The following HABP4 variants were observed in gnomAD, a reference collection of about 807,000 sequenced individuals.
HABP4 encodes the protein intracellular hyaluronan-binding protein 4.
In HABP4, 32 loss-of-function variants were observed where a neutral mutation model predicts 44.1. The ratio of observed to expected loss-of-function variants is 0.73; its 90% CI spans 0.55 to 0.97. HABP4 has a LOEUF of 0.97. HABP4 is among the 50% of genes least tolerant of loss of function. HABP4 has a pLI of 0.00. For synonymous variants in HABP4, 216 were observed against 218.0 expected, an observed-to-expected ratio of 0.99 and a Z score of 0.08; for missense variants, 503 against 561.9, an observed-to-expected ratio of 0.90 and a Z score of 1.06.
chr9:96,466,876 T>C (rs1832609791), intron 4 of HABP4, among the ~76,000 whole-genome samples: 1 of 151,424 alleles, frequency 6.6e-6, no homozygotes, highest in African/African-American at 2.4e-5. Context: ...GTGCAGAGGC[T>C]TGAGGGGATC....
intron 1 of HABP4, among the ~76,000 whole-genome samples, chr9:96,452,390 CCTA>C (rs2131107698): frequency 6.6e-6 from 1 of 152,142 alleles, no homozygotes; most frequent in East Asian, 1.9e-4. Context: ...TCTTATTTTT[CCTA>C]CTAACACTTT....
In HABP4 at chr9:96,465,390, G is replaced by A; in HGVS notation, c.566G>A (p.Arg189Lys). The change falls in exon 3 of 8, where the codon AGA becomes AAA. Residue 189 changes from arginine (R) to lysine (K), a missense_variant. Transcript: ENST00000375249. ...DRPLRGRGGP[R>K]GGMRGRGRGG... The stretch of plus-strand genomic sequence containing the variant: ...CCGTTGAGAGGACGTGGAGGCCCGA[G>A]AGGGGGTATGCGCGGCAGAGGCAGA... 1 of 1,609,978 alleles carries A rather than the reference G, an allele frequency of 6.2e-7. No homozygotes were observed. The highest frequency in any genetic ancestry group is 8.5e-7 in the Non-Finnish European group (1 of 1,176,172).
chr9:96,450,182 C>T lies in HABP4; in HGVS notation c.-98C>T. 3 of 1,166,998 alleles carry T rather than the reference C, an allele frequency of 2.6e-6. No homozygotes were observed. Among genetic ancestry groups the T allele is most frequent in the Non-Finnish European group, 3.2e-6 (3 of 937,084 alleles). 72.3% of individuals were successfully genotyped at this position (1,166,998 alleles called of 1,614,324 possible). On this transcript the variant is annotated 5_prime_UTR_variant, in exon 1 of 8. Coordinates refer to ENST00000375249, the MANE Select transcript of HABP4 (RefSeq NM_014282.4). The surrounding 1 kb of genome is among the most constrained non-coding windows in gnomAD (Gnocchi z 4.8). The stretch of plus-strand genomic sequence containing the variant: ...GCCGGACAGGGTAGGGCCCGGAGGG[C>T]GGTGGCGGCGGAGCGGGCGGCATGG...
chr9:96,480,349 G>GT (rs1369857356), intron 5 of HABP4, among the ~76,000 whole-genome samples: 2 of 152,006 alleles, frequency 1.3e-5, no homozygotes, highest in East Asian at 3.9e-4. Flanking sequence ...CTATACTATA[G>GT]TTTTTTCACC....
At chr9:96,473,001 A>G (rs1832722493) in intron 5 of HABP4, among the ~76,000 whole-genome samples, 1 of 152,194 alleles carries the variant, frequency 6.6e-6, no homozygotes, top group South Asian at 2.1e-4. Flanking sequence ...GCCTCTCAGC[A>G]TCTCCTTTGC....
intron 5 of HABP4, among the ~76,000 whole-genome samples, chr9:96,474,773 C>T (rs1832754324): frequency 6.6e-6 from 1 of 152,076 alleles, no homozygotes; most frequent in South Asian, 2.1e-4. Flanking sequence ...CTGGTGTCAG[C>T]CCTGTTTGAA....
At chr9:96,473,554 T>A (rs958214710) in intron 5 of HABP4, among the ~76,000 whole-genome samples, 1 of 152,188 alleles carries the variant, frequency 6.6e-6, no homozygotes, top group Non-Finnish European at 1.5e-5. Context: ...CTGATTGTCA[T>A]GCCCCCACCC....
In HABP4 at chr9:96,491,198, T is replaced by A. The variant is rs1833090190; in HGVS notation, c.*1160T>A. 1 of 152,296 alleles carries A rather than the reference T, an allele frequency of 6.6e-6. No homozygotes were observed. Among genetic ancestry groups the A allele is most frequent in the Non-Finnish European group, 1.5e-5 (1 of 68,076 alleles). The allele number at this position is 152,296 out of a possible 1,614,324, so 9.4% of individuals were successfully genotyped here. ...ACACAGAGGTACTGTCTGCCTGTTG[T>A]CACACAGTTCATATGCTCGCTTGAG... On this transcript the variant is annotated 3_prime_UTR_variant, in exon 8 of 8. Transcript: ENST00000375249.
intron 5 of HABP4, among the ~76,000 whole-genome samples, chr9:96,474,554 C>T (rs1440424984): frequency 6.6e-6 from 1 of 152,106 alleles, no homozygotes; most frequent in East Asian, 1.9e-4. Flanking sequence ...TCTCTCTTTT[C>T]TGCTGACCTG....
At chr9:96,462,202 AAC>A (rs1832511790) in intron 2 of HABP4, among the ~76,000 whole-genome samples, 1 of 151,562 alleles carries the variant, frequency 6.6e-6, no homozygotes, top group Non-Finnish European at 1.5e-5. Context: ...CTGAAATCCC[AAC>A]ACTTTGGGAG....
chr9:96,474,801 G>T (rs1470146560), intron 5 of HABP4, among the ~76,000 whole-genome samples: 1 of 152,074 alleles, frequency 6.6e-6, no homozygotes, highest in Non-Finnish European at 1.5e-5. Flanking sequence ...TTTGCACTCT[G>T]GCTTCTGGCA....
Position 96,450,238 on chromosome 9 carries a change from T to A in HABP4, c.-42T>A. 1 of 1,330,580 alleles carries A rather than the reference T, an allele frequency of 7.5e-7. No individual in the cohort carries two copies. Among genetic ancestry groups the A allele is most frequent in the Non-Finnish European group, 9.7e-7 (1 of 1,031,358 alleles). 82.4% of individuals were successfully genotyped at this position (1,330,580 alleles called of 1,614,324 possible). The stretch of plus-strand genomic sequence containing the variant: ...GGCCGCCGGCTTCGCTGAGACGCGC[T>A]CGCGTGGGCTGCCCTCCCGGGCCCG... On this transcript the variant is annotated 5_prime_UTR_variant, in exon 1 of 8. Coordinates refer to ENST00000375249, the MANE Select transcript of HABP4 (RefSeq NM_014282.4). This position sits in a 1 kb window ranked among gnomAD's most constrained non-coding sequence, Gnocchi z 4.8.
rs2131104023 is a variant in HABP4 at position 96,450,390 on chromosome 9, C to T, written c.111C>T (p.Asp37=). The T allele has an allele frequency of 1.4e-6, 2 of 1,434,608 alleles. No individual in the cohort carries two copies. The highest frequency in any genetic ancestry group is 3.2e-5 in the East Asian group (1 of 31,684). The allele number at this position is 1,434,608 out of a possible 1,614,324, so 88.9% of individuals were successfully genotyped here. Residue 37 remains aspartate (D), a synonymous_variant, in exon 1 of 8, where the codon GAC becomes GAT. Coordinates refer to ENST00000375249, the MANE Select transcript of HABP4 (RefSeq NM_014282.4). This position sits in a 1 kb window ranked among gnomAD's most constrained non-coding sequence, Gnocchi z 4.8. ...ATCAGCTGCTGGACGACGAGTCGGACCCGTTCGACATCCTGCGCGAGGCCG... is the reference window on the plus strand; with the variant it reads ...ATCAGCTGCTGGACGACGAGTCGGATCCGTTCGACATCCTGCGCGAGGCCG... ...RFHQLLDDES[D]PFDILREAER...
intron 2 of HABP4, among the ~76,000 whole-genome samples, chr9:96,463,443 T>TG (rs1354201439): frequency 6.6e-6 from 1 of 152,020 alleles, no homozygotes; most frequent in African/African-American, 2.4e-5. Flanking sequence ...TTAGTAGAGA[T>TG]GGGGTCTCAC....
intron 1 of HABP4, among the ~76,000 whole-genome samples, chr9:96,456,821 A>ATATATC (rs1476155664): frequency 4.0e-5 from 5 of 123,682 alleles, no homozygotes; most frequent in Non-Finnish European, 6.8e-5. Flanking sequence ...ATATATATAT[A>ATATATC]TCCATTAACT....
intron 5 of HABP4, among the ~76,000 whole-genome samples, chr9:96,475,431 G>C (rs77009520): frequency 0.024 from 3,597 of 149,742 alleles, 151 homozygotes; most frequent in African/African-American, 0.085. Flanking sequence ...AACATTTTTA[G>C]AGCATTTGCT....
Position 96,488,036 on chromosome 9 carries a change from G to A in HABP4, c.1000-53G>A, listed in dbSNP as rs1003391206. The A allele has an allele frequency of 7.9e-7, 1 of 1,260,994 alleles. No individual in the cohort carries two copies. The highest frequency in any genetic ancestry group is 1.2e-6 in the Non-Finnish European group (1 of 866,344). 78.1% of individuals were successfully genotyped at this position (1,260,994 alleles called of 1,614,324 possible). On this transcript the variant is annotated intron_variant, in intron 6 of 7. Transcript: ENST00000375249. The surrounding 1 kb of genome is among the most constrained non-coding windows in gnomAD (Gnocchi z 4.6). ...ACACTGCAGCCACTAAGCCAGATGAGTGTGGGGATGGCTGTGGACTTGTGC... is the reference window on the plus strand; with the variant it reads ...ACACTGCAGCCACTAAGCCAGATGAATGTGGGGATGGCTGTGGACTTGTGC...
At position 96,458,449 on chromosome 9, in the gene HABP4, C is replaced by T. The variant is rs773493966; in HGVS notation, c.420C>T (p.Leu140=). 3.7e-6 allele frequency: 6 copies of T among 1,613,484 alleles called. No individual in the cohort carries two copies. Among genetic ancestry groups the T allele is most frequent in the East Asian group, 2.2e-5 (1 of 44,866 alleles). ...ACAGCCGTGGGCCGGAGGGGATGCT[C>T]GAAAGAGCTGAGCGGAGATCCTACA... The part of the protein sequence containing the change: ...WNDSRGPEGM[L]ERAERRSYRE... The change falls in exon 2 of 8, where the codon CTC becomes CTT. Residue 140 remains leucine, a synonymous_variant. Transcript: ENST00000375249.
At chr9:96,470,397 C>A (rs963564977) in intron 4 of HABP4, among the ~76,000 whole-genome samples, 1 of 152,068 alleles carries the variant, frequency 6.6e-6, no homozygotes, top group African/African-American at 2.4e-5. Context: ...TCCCAAAATG[C>A]TAGGATCACA....
Sources: allele counts gnomAD v4.1 joint callset (sites outside exome capture counted in the v4.1 genomes callset), GRCh38; gene constraint gnomAD v4.1.1; non-coding constraint Gnocchi (gnomAD v3.1); transcripts MANE v1.5; gene names NCBI Gene and HGNC (gene_info 2026-07-23, HGNC 2026-07-21).